Variants in ATF2 observed in about 807,000 individuals in gnomAD.
ATF2 encodes cyclic AMP-dependent transcription factor ATF-2.
Under a neutral mutation model 60.6 loss-of-function variants are expected in ATF2, and 24 were observed. That is an observed-to-expected ratio of 0.40 (90% CI 0.29 to 0.56). The LOEUF (loss-of-function observed/expected upper bound fraction) is 0.56, where lower values mean the gene tolerates loss of function less well. Among genes scored for constraint, ATF2 ranks in the 20% least tolerant of loss-of-function variants. The pLI is 0.54. For synonymous variants in ATF2, 206 were observed against 215.4 expected (o/e 0.96, Z 0.38); for missense variants, 433 against 607.7 (o/e 0.71, Z 3.02).
In ATF2 at chr2:175,142,720, A is replaced by AGT. The variant is rs755635658; in HGVS notation, c.-43-6236_-43-6235dup. Among the ~76,000 whole-genome samples the AGT allele has an allele frequency of 5.6e-3, 399 of 71,164 alleles. 1 individual carries two copies. Among genetic ancestry groups the AGT allele is most frequent in the Middle Eastern group, 0.013 (2 of 156 alleles). 46.7% of individuals were successfully genotyped at this position (71,164 alleles called of 152,430 possible). ...GAGAGAGAGAGAGAGAGAGAGAGAG[A>AGT]GTGTGTGTGTGTGTGTGTGTGTGTG... On this transcript the variant is annotated intron_variant, in intron 2 of 13. Coordinates refer to ENST00000264110, the MANE Select transcript of ATF2 (RefSeq NM_001880.4).
intron 1 of ATF2, among the ~76,000 whole-genome samples, chr2:175,160,320 G>A (rs1163718964): frequency 6.6e-6 from 1 of 152,134 alleles, no homozygotes; most frequent in Non-Finnish European, 1.5e-5. Context: ...AGGTGTTTGA[G>A]GCAGCAGTGA....
chr2:175,111,590 G>C lies in ATF2; in HGVS notation c.806C>G (p.Pro269Arg). Residue 269 changes from proline (P) to arginine (R), a missense_variant, in exon 10 of 14, where the codon CCA becomes CGA. By Grantham distance (103) the Pro-to-Arg change is moderately radical. Coordinates refer to ENST00000264110, the MANE Select transcript of ATF2 (RefSeq NM_001880.4). ...TACCATTTTTGCTTCTGACTGTACTGGTTGGGGAGAGGAAGGACCTGGGAT... is the reference window on the plus strand; with the variant it reads ...TACCATTTTTGCTTCTGACTGTACTCGTTGGGGAGAGGAAGGACCTGGGAT... Reference protein sequence around the residue: ...PGIPGPSSPQPVQSEAKMRLK... With the variant: ...PGIPGPSSPQRVQSEAKMRLK... The C allele has an allele frequency of 6.2e-7, 1 of 1,613,852 alleles. No homozygotes were observed. The highest frequency in any genetic ancestry group is 8.5e-7 in the Non-Finnish European group (1 of 1,179,836).
intron 1 of ATF2, among the ~76,000 whole-genome samples, chr2:175,158,961 A>C (rs190224947): frequency 1.2e-3 from 181 of 152,290 alleles, no homozygotes; most frequent in African/African-American, 4.2e-3. Flanking sequence ...ATAAATACCT[A>C]ATCTTACTAT....
chr2:175,163,247 A>G (rs1400565370), intron 1 of ATF2, among the ~76,000 whole-genome samples: 2 of 152,078 alleles, frequency 1.3e-5, no homozygotes, highest in African/African-American at 4.8e-5. Flanking sequence ...CATTGGAGCA[A>G]AGCTAAAAAA....
intron 12 of ATF2, among the ~76,000 whole-genome samples, chr2:175,091,967 T>C (rs1398150652): frequency 6.6e-6 from 1 of 152,258 alleles, no homozygotes; most frequent in Non-Finnish European, 1.5e-5. Flanking sequence ...TGGTAAGTTG[T>C]ATTAAAATTT....
At chr2:175,164,845 A>C (rs553389893) in intron 1 of ATF2, among the ~76,000 whole-genome samples, 2 of 152,194 alleles carry the variant, frequency 1.3e-5, no homozygotes, top group African/African-American at 2.4e-5. Flanking sequence ...TAACAATACT[A>C]AGTGAATTTT....
At chr2:175,111,254 T>G (rs907729844) in intron 10 of ATF2, among the ~76,000 whole-genome samples, 3 of 152,214 alleles carry the variant, frequency 2.0e-5, no homozygotes, top group Non-Finnish European at 4.4e-5. Flanking sequence ...TGCCTTCAGA[T>G]GATCACATCT....
At chr2:175,089,786 G>A (rs1262312704) in intron 12 of ATF2, among the ~76,000 whole-genome samples, 2 of 152,050 alleles carry the variant, frequency 1.3e-5, no homozygotes, top group Non-Finnish European at 2.9e-5. Flanking sequence ...AGTCATCATT[G>A]AAGTACCCTT....
At chr2:175,096,513 CAA>C (rs536829027) in intron 11 of ATF2, among the ~76,000 whole-genome samples, 17 of 152,082 alleles carry the variant, frequency 1.1e-4, no homozygotes, top group Non-Finnish European at 2.5e-4. Context: ...AAATAAATAA[CAA>C]AGAGTAATGT....
At chr2:175,160,853 C>T (rs1320334845) in intron 1 of ATF2, among the ~76,000 whole-genome samples, 1 of 151,980 alleles carries the variant, frequency 6.6e-6, no homozygotes, top group East Asian at 1.9e-4. Context: ...CCAGCCTGGG[C>T]AACGGCAAGA....
chr2:175,136,015 G>GTTTT (rs34199956), intron 3 of ATF2, among the ~76,000 whole-genome samples: 1 of 124,936 alleles, frequency 8.0e-6, no homozygotes, highest in Non-Finnish European at 1.7e-5. Flanking sequence ...TTCTTTCTTT[G>GTTTT]TTTTTTTTTT....
At chr2:175,083,450 A>G (rs1164686557) in intron 12 of ATF2, among the ~76,000 whole-genome samples, 4 of 152,232 alleles carry the variant, frequency 2.6e-5, no homozygotes, top group East Asian at 1.9e-4. Context: ...CCATATGTAG[A>G]AAGCTGAAAC....
Position 175,109,828 on chromosome 2 carries a change from T to C in ATF2, c.828+1740A>G, listed in dbSNP as rs1696045314. Among the ~76,000 whole-genome samples, 3 of 152,206 alleles carry C rather than the reference T, an allele frequency of 2.0e-5. No individual in the cohort carries two copies. The South Asian group carries it at 6.2e-4, about 31-fold the overall frequency. ...TCTGCTATCAAGTGAAGAAGATTCATCTTAGTATTTCCAAAGCTCTGACCT... is the reference window on the plus strand; with the variant it reads ...TCTGCTATCAAGTGAAGAAGATTCACCTTAGTATTTCCAAAGCTCTGACCT... On this transcript the variant is annotated intron_variant, in intron 10 of 13. Coordinates refer to ENST00000264110, the MANE Select transcript of ATF2 (RefSeq NM_001880.4).
chr2:175,138,684 G>C (rs1009086658), intron 2 of ATF2, among the ~76,000 whole-genome samples: 1 of 152,052 alleles, frequency 6.6e-6, no homozygotes, highest in Non-Finnish European at 1.5e-5. Context: ...TGCCTCCTTT[G>C]ATATTACACT....
chr2:175,146,309 G>A (rs1227450048), intron 2 of ATF2, among the ~76,000 whole-genome samples: 1 of 152,134 alleles, frequency 6.6e-6, no homozygotes, highest in African/African-American at 2.4e-5. Flanking sequence ...ATTGCAACCT[G>A]AGATTCTAGA....
chr2:175,091,212 C>T (rs186047182), intron 12 of ATF2, among the ~76,000 whole-genome samples: 7 of 152,082 alleles, frequency 4.6e-5, no homozygotes, highest in South Asian at 2.1e-4. Context: ...ATTTTCTGTA[C>T]GAAGAAACCC....
intron 2 of ATF2, among the ~76,000 whole-genome samples, chr2:175,146,763 C>G (rs1698984930): frequency 6.6e-6 from 1 of 152,080 alleles, no homozygotes; most frequent in East Asian, 1.9e-4. Context: ...TCAAGCACAT[C>G]CAGGCTATAT....
rs1189902412 is a variant in ATF2, at chr2:175,154,235, ATAT to A, written c.-142-3080_-142-3078del. Among the ~76,000 whole-genome samples, 19 of 110,848 alleles carry A rather than the reference ATAT, an allele frequency of 1.7e-4. 1 individual carries two copies. Among genetic ancestry groups the A allele is most frequent in the African/African-American group, 7.7e-4 (18 of 23,368 alleles). 72.7% of individuals were successfully genotyped at this position (110,848 alleles called of 152,430 possible). ...ATCTCAAAAAGAAAAGAAAAAAAAA[ATAT>A]ATATATATATATATTTTTTACTTTA... is the stretch of plus-strand genomic sequence containing the variant. On this transcript the variant is annotated intron_variant, in intron 1 of 13. Transcript: ENST00000264110.
intron 7 of ATF2, among the ~76,000 whole-genome samples, chr2:175,116,056 C>T (rs935943872): frequency 6.6e-6 from 1 of 151,974 alleles, no homozygotes; most frequent in African/African-American, 2.4e-5. Context: ...AGGATAGATG[C>T]GTAGACAGGC....
Sources: gnomAD v4.1 joint callset for allele counts (sites outside exome capture counted in the v4.1 genomes callset) on GRCh38, gnomAD v4.1.1 for gene constraint, MANE v1.5 for transcripts, NCBI Gene and HGNC (gene_info 2026-07-23, HGNC 2026-07-21) for gene names.